The following CCDC197 variants were observed in gnomAD, a reference collection of about 807,000 sequenced individuals.
CCDC197 encodes the protein uncharacterized protein CCDC197.
A neutral mutation model predicts 13.4 loss-of-function variants in CCDC197; 24 were observed. The observed-to-expected ratio is 1.80, with a 90% CI of 1.30 to 2.53. The LOEUF (loss-of-function observed/expected upper bound fraction) is 2.53, where lower values mean the gene tolerates loss of function less well. CCDC197 is among the 30% of genes most tolerant of loss of function. The pLI is 0.00. For synonymous variants in CCDC197, 99 were observed against 55.5 expected, an observed-to-expected ratio of 1.78 and a Z score of -3.48; for missense variants, 255 against 148.8, an observed-to-expected ratio of 1.71 and a Z score of -3.71.
upstream of CCDC197, chr14:93,997,102 A>T (rs148112942): frequency 6.6e-6 from 1 of 152,456 alleles, no homozygotes; most frequent in Non-Finnish European, 1.5e-5. Flanking sequence ...CAAGTCTCAC[A>T]TGGGGTTGCC....
chr14:94,004,658 A>C lies in CCDC197; in HGVS notation c.499-197A>C, dbSNP rs149826369. On this transcript the variant is annotated intron_variant, in intron 5 of 6. Transcript: ENST00000636493. ...GTTAGTCCAACCTGCCTCTTTGCAG[A>C]GGAGGCTGCTCAGGCTCTGACGTAG... Among the ~76,000 whole-genome samples the C allele has an allele frequency of 1.4e-3, 220 of 152,284 alleles. 4 individuals carry two copies. The highest frequency in any genetic ancestry group is 4.9e-3 in the African/African-American group (205 of 41,554).
At chr14:93,996,727 A>T (rs1890323620), upstream of CCDC197, among the ~76,000 whole-genome samples, 1 of 150,112 alleles carries the variant, frequency 6.7e-6, no homozygotes, top group Non-Finnish European at 1.5e-5. Flanking sequence ...AGGCCAGGCC[A>T]GCCGGCAGGG....
rs760854707 is a variant in CCDC197, at chr14:94,004,956, G to A, written c.600G>A (p.Lys200=). 2 of 702,816 alleles carry A rather than the reference G, an allele frequency of 2.8e-6. 1 individual carries two copies. Among genetic ancestry groups the A allele is most frequent in the South Asian group, 3.0e-5 (2 of 67,554 alleles). 43.5% of individuals were successfully genotyped at this position (702,816 alleles called of 1,614,324 possible). A position where few individuals can be genotyped will look rare whatever the true frequency, so the allele number is the denominator to read the frequency against. ...CCAAGAGCATGGATCTCTTCTCCAAGCTCGATCTGATTAAGGTAAGGATAG... is the reference window on the plus strand; with the variant it reads ...CCAAGAGCATGGATCTCTTCTCCAAACTCGATCTGATTAAGGTAAGGATAG... ...GVPKSMDLFS[K]LDLIKEFMLD... The change falls in exon 6 of 7, where the codon AAG becomes AAA. Residue 200 remains lysine (K), a synonymous_variant. Transcript: ENST00000636493.
chr14:93,993,916 C>T (rs983537018), upstream of CCDC197, among the ~76,000 whole-genome samples: 2 of 152,214 alleles, frequency 1.3e-5, no homozygotes, highest in Non-Finnish European at 2.9e-5. Flanking sequence ...GGAACCTTGG[C>T]AGCTCCTGTC....
chr14:93,992,435 T>C (rs1890230023), upstream of CCDC197, among the ~76,000 whole-genome samples: 1 of 151,800 alleles, frequency 6.6e-6, no homozygotes, highest in African/African-American at 2.4e-5. Context: ...GCCTGCAGGG[T>C]CCCTAAATTC....
intron 6 of CCDC197, chr14:94,007,515 T>G (rs576647472): frequency 1.3e-5 from 2 of 152,372 alleles, no homozygotes; most frequent in African/African-American, 4.8e-5. Context: ...ATACTGTCTT[T>G]ATTACTGTGG....
intron 1 of CCDC197, among the ~76,000 whole-genome samples, chr14:93,990,255 G>A (rs898752343): frequency 1.3e-5 from 2 of 152,138 alleles, no homozygotes; most frequent in African/African-American, 4.8e-5. Context: ...GGGACTAAGG[G>A]GAATCCTGGG....
chr14:93,996,841 C>T (rs1042931752), upstream of CCDC197, among the ~76,000 whole-genome samples: 1 of 152,214 alleles, frequency 6.6e-6, no homozygotes, highest in African/African-American at 2.4e-5. Context: ...ACAGGAGGTT[C>T]ACCGCCAAGC....
At chr14:94,000,174 TATC>T (rs758977474) in intron 3 of CCDC197, among the ~76,000 whole-genome samples, 3 of 152,222 alleles carry the variant, frequency 2.0e-5, no homozygotes, top group Non-Finnish European at 4.4e-5. Flanking sequence ...TATTTATTGT[TATC>T]ATTATTATTT....
intron 1 of CCDC197, 23 bp downstream of exon 1, chr14:93,997,594 G>A (rs1890356851): frequency 6.4e-6 from 1 of 155,956 alleles, no homozygotes; most frequent in Admixed American, 6.2e-5. Context: ...TGAGCTCAGA[G>A]CATGTAATGT....
chr14:93,996,295 C>G (rs1890301035), upstream of CCDC197, among the ~76,000 whole-genome samples: 1 of 148,606 alleles, frequency 6.7e-6, no homozygotes, highest in Non-Finnish European at 1.5e-5. Context: ...GCTCTAGGAC[C>G]ATGGAGAGGC....
At chr14:94,006,519 G>A (rs932523018) in intron 6 of CCDC197, among the ~76,000 whole-genome samples, 5 of 151,820 alleles carry the variant, frequency 3.3e-5, no homozygotes, top group African/African-American at 1.2e-4. Context: ...ACCATACACG[G>A]CTAAGTTTTG....
At chr14:93,999,986 C>T (rs2141360662) in intron 3 of CCDC197, among the ~76,000 whole-genome samples, 1 of 152,314 alleles carries the variant, frequency 6.6e-6, no homozygotes, top group African/African-American at 2.4e-5. Context: ...CACAGGGCCC[C>T]ACATTTAGCT....
At chr14:93,997,892 G>A (rs1890366896) in intron 1 of CCDC197, 107 bp from the exon 2 acceptor site, 1 of 538,746 alleles carries the variant, frequency 1.9e-6, no homozygotes, top group Non-Finnish European at 3.3e-6. Context: ...GCAGCCCGAA[G>A]ACCTTGGACT....
At chr14:93,989,407 C>T (rs1463382428) in intron 1 of CCDC197, among the ~76,000 whole-genome samples, 2 of 152,128 alleles carry the variant, frequency 1.3e-5, no homozygotes, top group Non-Finnish European at 2.9e-5. Flanking sequence ...TTGTCCAGTC[C>T]CATGCCTCTC....
At position 93,997,937 on chromosome 14, in the gene CCDC197, C is replaced by T. The variant is rs1890367914; in HGVS notation, c.-133-62C>T. 9 of 590,952 alleles carry T rather than the reference C, an allele frequency of 1.5e-5. No individual in the cohort carries two copies. In the South Asian group the frequency reaches 1.8e-4, roughly 12 times the overall value. 36.6% of individuals were successfully genotyped at this position (590,952 alleles called of 1,614,324 possible). On this transcript the variant is annotated intron_variant, in intron 1 of 6. Transcript: ENST00000636493. Reference sequence around the variant, plus strand: ...ATGAGCCCTGGGTCCTCATCCAGTCCTGCCAGATGACCTTAAGCTGCTCAC... The same window carrying T: ...ATGAGCCCTGGGTCCTCATCCAGTCTTGCCAGATGACCTTAAGCTGCTCAC...
intron 1 of CCDC197, among the ~76,000 whole-genome samples, chr14:93,989,208 T>C (rs12434998): frequency 0.45 from 68,486 of 151,802 alleles, 16,824 homozygotes; most frequent in African/African-American, 0.65. Flanking sequence ...CCTAGGGAGT[T>C]AGATTGGCTA....
chr14:93,987,463 T>A (rs1192058206), intron 1 of CCDC197: 1 of 152,668 alleles, frequency 6.6e-6, no homozygotes, highest in African/African-American at 2.4e-5. Context: ...CCCAGACGAC[T>A]TGCGCAGCCT....
At chr14:94,009,061 G>A (rs549711440), downstream of CCDC197, among the ~76,000 whole-genome samples, 31 of 152,330 alleles carry the variant, frequency 2.0e-4, no homozygotes, top group South Asian at 6.2e-3. Flanking sequence ...CAGCAGCCAG[G>A]CTGGAAGATC....
Sources: gnomAD v4.1 joint callset for allele counts (sites outside exome capture counted in the v4.1 genomes callset) on GRCh38, gnomAD v4.1.1 for gene constraint, MANE v1.5 for transcripts, NCBI Gene and HGNC (gene_info 2026-07-23, HGNC 2026-07-21) for gene names.